Variants in ITGA2B observed in about 807,000 individuals in gnomAD.
The protein encoded by ITGA2B is integrin subunit alpha 2b.
A neutral mutation model predicts 142.0 loss-of-function variants in ITGA2B; 91 were observed. That is an observed-to-expected ratio of 0.64 (90% CI 0.54 to 0.76). ITGA2B has a LOEUF of 0.76. Ranked by LOEUF, ITGA2B falls within the 30% of genes least tolerant of loss-of-function variation. The pLI, the probability that ITGA2B is intolerant of heterozygous loss-of-function variation, is 0.00. For missense variants in ITGA2B, 1,231 were observed against 1,350.8 expected (o/e 0.91, Z 1.39); for synonymous variants, 536 against 567.2 (o/e 0.94, Z 0.78).
intron 22 of ITGA2B, 22 bp from the exon 23 acceptor site, chr17:44,376,410 G>A: frequency 1.2e-6 from 2 of 1,612,892 alleles, no homozygotes; most frequent in Non-Finnish European, 1.7e-6. Context: ...GGGATGAGGA[G>A]AAACAGGGCC....
Position 44,378,861 on chromosome 17 carries a change from C to T in ITGA2B, c.1879-151G>A, listed in dbSNP as rs770019825. 1.8e-4 allele frequency: 121 copies of T among 683,164 alleles called. 1 individual carries two copies. The Middle Eastern group carries it at 0.012, about 70-fold the overall frequency. 42.3% of individuals were successfully genotyped at this position (683,164 alleles called of 1,614,324 possible). ...ACGAAAAGGAGTTTGTAGATGGTAT[C>T]GGGGCTCGGGTTTATTTGGAGGTTT... On this transcript the variant is annotated intron_variant, in intron 18 of 29. Transcript: ENST00000262407.
chr17:44,375,557 G>C, intron 26 of ITGA2B, 34 bp downstream of exon 26: 1 of 1,611,216 alleles, frequency 6.2e-7, no homozygotes, highest in Non-Finnish European at 8.5e-7. Flanking sequence ...TGGGTCCCGG[G>C]GAGGCCGGGC....
chr17:44,381,186 A>G, intron 12 of ITGA2B, 125 bp from the exon 13 acceptor site: 1 of 861,600 alleles, frequency 1.2e-6, no homozygotes, highest in Middle Eastern at 3.3e-4. Context: ...AGTGTGGGTG[A>G]AGGAGGCACT....
Position 44,379,712 on chromosome 17 carries a change from C to G in ITGA2B, c.1855G>C (p.Gly619Arg). Reference protein sequence around the residue: ...AGMAPAVVLHGDTHVQEQTRI... With the variant: ...AGMAPAVVLHRDTHVQEQTRI... Reference sequence around the variant, plus strand: ...ACCTGCTCCTGCACATGGGTGTCTCCATGCAGCACGACAGCAGGGGCCATT... The same window carrying G: ...ACCTGCTCCTGCACATGGGTGTCTCGATGCAGCACGACAGCAGGGGCCATT... Residue 619 changes from glycine to arginine, a missense_variant, in exon 18 of 30, where the codon GGA (glycine) becomes CGA (arginine). This residue lies in a region of ITGA2B where 908 missense variants were observed against 1,021.1 expected (regional missense o/e 0.89). Coordinates refer to ENST00000262407, the MANE Select transcript of ITGA2B (RefSeq NM_000419.5). 6.2e-7 allele frequency: 1 copy of G among 1,613,990 alleles called. No homozygotes were observed. Among genetic ancestry groups the G allele is most frequent in the Non-Finnish European group, 8.5e-7 (1 of 1,180,036 alleles).
intron 1 of ITGA2B, among the ~76,000 whole-genome samples, chr17:44,388,459 C>T (rs1178278823): frequency 1.4e-5 from 2 of 147,370 alleles, no homozygotes; most frequent in South Asian, 2.2e-4. Flanking sequence ...CAGGTTCAAA[C>T]GATTCTCCTG....
rs1309231160 is a variant in ITGA2B at position 44,380,036 on chromosome 17, C to T, written c.1718G>A (p.Ser573Asn). Residue 573 changes from serine to asparagine, a missense_variant, in exon 17 of 30, where the codon AGC becomes AAC. This residue lies in a region of ITGA2B where 908 missense variants were observed against 1,021.1 expected (regional missense o/e 0.89). Coordinates refer to ENST00000262407, the MANE Select transcript of ITGA2B (RefSeq NM_000419.5). ...GGCCATGGTGGTGTGGCAGATGGGG[C>T]TGTGCTTTCCGCCCAGATCCAGGTT... ...TLNLDLGGKH[S>N]PICHTTMAFL... 6.2e-7 allele frequency: 1 copy of T among 1,613,698 alleles called. No individual in the cohort carries two copies. The highest frequency in any genetic ancestry group is 1.7e-5 in the Admixed American group (1 of 60,006).
At position 44,372,313 on chromosome 17, in the gene ITGA2B, G is replaced by A. The variant is rs139513907; in HGVS notation, c.*51C>T. ...GGAGGCAACTTGTTGGAGAAGGGGC[G>A]GTGCAGGTAGCACGCCCAACCCTCC... On this transcript the variant is annotated 3_prime_UTR_variant, in exon 30 of 30. Coordinates refer to ENST00000262407, the MANE Select transcript of ITGA2B (RefSeq NM_000419.5). 434 of 1,578,452 alleles carry A rather than the reference G, an allele frequency of 2.7e-4. No homozygotes were observed. In the East Asian group the frequency reaches 9.3e-3, roughly 34 times the overall value.
intron 19 of ITGA2B, 45 bp downstream of exon 19, chr17:44,378,598 T>C (rs2048565909): frequency 1.3e-6 from 2 of 1,588,120 alleles, no homozygotes; most frequent in South Asian, 1.1e-5. Flanking sequence ...GCAGGTATGA[T>C]AGGCAGAAAG....
intron 21 of ITGA2B, among the ~76,000 whole-genome samples, 164 bp from the exon 22 acceptor site, chr17:44,377,252 GT>G (rs1242303607): frequency 6.6e-6 from 1 of 151,522 alleles, no homozygotes; most frequent in Non-Finnish European, 1.5e-5. Context: ...CTGGAGTGCA[GT>G]GGCATGATCT....
rs752974285 is a variant in ITGA2B at position 44,380,050 on chromosome 17, C to T, written c.1704G>A (p.Leu568=). The T allele has an allele frequency of 2.5e-6, 4 of 1,613,992 alleles. No homozygotes were observed. In the East Asian group the frequency reaches 8.9e-5, roughly 36 times the overall value. Residue 568 remains leucine, a synonymous_variant, in exon 17 of 30, where the codon CTG becomes CTA. Coordinates refer to ENST00000262407, the MANE Select transcript of ITGA2B (RefSeq NM_000419.5). ...GGCAGATGGGGCTGTGCTTTCCGCC[C>T]AGATCCAGGTTCAGGGTGGTGCCTG... The part of the protein sequence containing the change: ...QQAGTTLNLD[L]GGKHSPICHT...
chr17:44,382,373 T>C lies in ITGA2B; in HGVS notation c.1210+1120A>G, dbSNP rs183238762. 3.0e-3 allele frequency among the ~76,000 whole-genome samples: 454 copies of C among 152,264 alleles called. 4 individuals are homozygous for C. The highest frequency in any genetic ancestry group is 0.01 in the African/African-American group (428 of 41,544). On this transcript the variant is annotated intron_variant, in intron 12 of 29. Coordinates refer to ENST00000262407, the MANE Select transcript of ITGA2B (RefSeq NM_000419.5). ...TGTTGAAAGAGCTGTCTACATTAGC[T>C]GCATCCAATTTTTCATCTCCATTCA...
rs764585011 is a variant in ITGA2B at position 44,383,606 on chromosome 17, C to G, written c.1097G>C (p.Arg366Pro). The change falls in exon 12 of 30, where the codon CGA (arginine) becomes CCA (proline). Residue 366 changes from arginine to proline, a missense_variant. Around this residue, in one of 3 missense-constraint regions of ITGA2B, gnomAD observed 908 missense variants for 1,021.1 expected, o/e 0.89. Coordinates refer to ENST00000262407, the MANE Select transcript of ITGA2B (RefSeq NM_000419.5). ...VGRVYLFLQP[R>P]GPHALGAPSL... ...GGGGGCACCCAGCGCGTGGGGGCCT[C>G]GCGGCTGCAGGAACAAATACACACG... The G allele has an allele frequency of 4.4e-6, 7 of 1,609,032 alleles. No homozygotes were observed. Among genetic ancestry groups the G allele is most frequent in the Non-Finnish European group, 5.9e-6 (7 of 1,178,524 alleles).
intron 12 of ITGA2B, among the ~76,000 whole-genome samples, chr17:44,382,048 T>A (rs983240630): frequency 9.9e-5 from 15 of 152,116 alleles, no homozygotes; most frequent in African/African-American, 3.6e-4. Context: ...TATGCTATAA[T>A]CCCACACCAA....
chr17:44,386,534 C>T (rs530099739), intron 1 of ITGA2B, among the ~76,000 whole-genome samples: 1 of 152,206 alleles, frequency 6.6e-6, no homozygotes, highest in Non-Finnish European at 1.5e-5. Context: ...CTCTTGAGAG[C>T]TGGTTTTAAT....
At chr17:44,377,218 C>T (rs1272547244) in intron 21 of ITGA2B, 130 bp from the exon 22 acceptor site, 39 of 739,926 alleles carry the variant, frequency 5.3e-5, no homozygotes, top group Admixed American at 3.6e-4. Flanking sequence ...TTTTCCGAGA[C>T]GGAGTCTCAC....
At chr17:44,387,244 C>T (rs1201464473) in intron 1 of ITGA2B, among the ~76,000 whole-genome samples, 5 of 151,838 alleles carry the variant, frequency 3.3e-5, no homozygotes. Context: ...CAGAGTTGGC[C>T]GGGTGTGGTG....
chr17:44,375,530 C>G (rs1485185540), intron 26 of ITGA2B, 61 bp downstream of exon 26: 1 of 1,594,224 alleles, frequency 6.3e-7, no homozygotes, highest in Non-Finnish European at 8.6e-7. Context: ...CTCCCTCCTC[C>G]CATCCCCTCT....
intron 3 of ITGA2B, 27 bp downstream of exon 3, chr17:44,385,797 C>A: frequency 6.2e-7 from 1 of 1,607,358 alleles, no homozygotes; most frequent in Non-Finnish European, 8.5e-7. Context: ...CCCGATTGTT[C>A]CCTGTGCCCT....
intron 14 of ITGA2B, 27 bp from the exon 15 acceptor site, chr17:44,380,517 C>A (rs2048586108): frequency 6.2e-7 from 1 of 1,613,822 alleles, no homozygotes; most frequent in East Asian, 2.2e-5. Flanking sequence ...ATGGGGTAGG[C>A]TTGCCATTGT....
Sources: gnomAD v4.1 joint callset for allele counts (sites outside exome capture counted in the v4.1 genomes callset) on GRCh38, gnomAD v4.1.1 for gene constraint, gnomAD v4.1.1 regional missense constraint, MANE v1.5 for transcripts, NCBI Gene and HGNC (gene_info 2026-07-23, HGNC 2026-07-21) for gene names.